The following TMCO5A variants were observed in gnomAD, a reference collection of about 807,000 sequenced individuals.
TMCO5A encodes transmembrane and coiled-coil domains 5A.
In TMCO5A, 34 loss-of-function variants were observed where a neutral mutation model predicts 42.3. That is an observed-to-expected ratio of 0.80 (90% CI 0.61 to 1.07). TMCO5A has a LOEUF of 1.07. TMCO5A is among the 50% of genes least tolerant of loss of function. The probability of loss-of-function intolerance (pLI) is 0.00; values close to 1 mark genes in which losing one functional copy is unlikely to be tolerated. For missense variants in TMCO5A, 357 were observed against 327.9 expected (o/e 1.09, Z -0.69); for synonymous variants, 131 against 115.6 (o/e 1.13, Z -0.86).
the TMCO5A span, among the ~76,000 whole-genome samples, chr15:38,029,602 G>A: frequency 6.6e-6 from 1 of 152,070 alleles, no homozygotes; most frequent in Non-Finnish European, 1.5e-5. Flanking sequence ...TGGGACCACA[G>A]GCATGCACTA....
At chr15:37,987,128 T>G in the TMCO5A span, among the ~76,000 whole-genome samples, 1 of 152,016 alleles carries the variant, frequency 6.6e-6, no homozygotes, top group Non-Finnish European at 1.5e-5. Flanking sequence ...TCTCACCATG[T>G]TTTTTATTTT....
the TMCO5A span, among the ~76,000 whole-genome samples, chr15:37,983,721 T>TC: frequency 7.2e-6 from 1 of 139,220 alleles, no homozygotes; most frequent in East Asian, 2.0e-4. Context: ...TTTTTACTGT[T>TC]TTTTTTTTTG....
the TMCO5A span, among the ~76,000 whole-genome samples, chr15:38,012,206 G>A: frequency 6.6e-6 from 1 of 152,132 alleles, no homozygotes. Flanking sequence ...TTGGCACAAG[G>A]AGAACAACTT....
At chr15:37,979,541 C>A in the TMCO5A span, among the ~76,000 whole-genome samples, 1 of 152,162 alleles carries the variant, frequency 6.6e-6, no homozygotes, top group South Asian at 2.1e-4. Context: ...GGGTTTAGAA[C>A]CTGCCTGAGC....
In TMCO5A at chr15:37,936,305, A is replaced by T. The variant is rs769522528; in HGVS notation, c.-10-9A>T. 15 of 1,597,554 alleles carry T rather than the reference A, an allele frequency of 9.4e-6. No homozygotes were observed. The South Asian group carries it at 1.4e-4, about 15-fold the overall frequency. On this transcript the variant is annotated splice_polypyrimidine_tract_variant and intron_variant, in intron 2 of 11. Transcript: ENST00000319669. ...TGGCCCTTGTTCATTTTGGGGGCTG[A>T]GTCTATAGGTCGGAGAAAATGGAAA...
At chr15:37,981,671 A>G in the TMCO5A span, among the ~76,000 whole-genome samples, 6 of 152,250 alleles carry the variant, frequency 3.9e-5, no homozygotes, top group African/African-American at 1.2e-4. Context: ...AGAAAACAAA[A>G]TACATTTCTG....
intron 11 of TMCO5A, among the ~76,000 whole-genome samples, chr15:37,957,468 A>G (rs1189218005): frequency 6.6e-6 from 1 of 152,094 alleles, no homozygotes; most frequent in African/African-American, 2.4e-5. Flanking sequence ...GAGCCAAATC[A>G]TGAGTGAACT....
intron 11 of TMCO5A, among the ~76,000 whole-genome samples, chr15:37,950,375 C>T (rs1327948764): frequency 1.3e-5 from 2 of 152,018 alleles, no homozygotes; most frequent in Admixed American, 6.6e-5. Flanking sequence ...CTATTAAAAT[C>T]GAGAATTTTT....
the TMCO5A span, among the ~76,000 whole-genome samples, chr15:38,005,587 T>C: frequency 6.6e-6 from 1 of 151,606 alleles, no homozygotes; most frequent in Non-Finnish European, 1.5e-5. Context: ...TAAAAATAAA[T>C]TAATTAATTA....
At chr15:38,038,470 ATCTCGGCTCACTGCAACC>A in the TMCO5A span, among the ~76,000 whole-genome samples, 1 of 148,482 alleles carries the variant, frequency 6.7e-6, no homozygotes, top group Non-Finnish European at 1.5e-5. Flanking sequence ...AGTGGCTGCG[ATCTCGGCTCACTGCAACC>A]TCTGCCTCCC....
At chr15:37,998,407 C>T in the TMCO5A span, among the ~76,000 whole-genome samples, 4 of 152,244 alleles carry the variant, frequency 2.6e-5, no homozygotes, top group African/African-American at 9.6e-5. Flanking sequence ...TAGTTTTATT[C>T]TTCTGAACAT....
the TMCO5A span, among the ~76,000 whole-genome samples, chr15:37,981,332 AG>A: frequency 1.3e-5 from 2 of 152,196 alleles, no homozygotes; most frequent in Non-Finnish European, 2.9e-5. Context: ...TTAAAAGATA[AG>A]AAAGGAAAAG....
At chr15:38,021,778 A>G in the TMCO5A span, among the ~76,000 whole-genome samples, 3 of 151,804 alleles carry the variant, frequency 2.0e-5, no homozygotes, top group Admixed American at 6.6e-5. Flanking sequence ...GTAGCAAAAA[A>G]CTATAACATC....
Position 37,951,340 on chromosome 15 carries a change from C to A in TMCO5A, c.*106C>A. ...AAGAGATTTGCTTCAGTTTTTTCCT[C>A]ACCGTTTGCCTGCTTGACTACCTTC... is the stretch of plus-strand genomic sequence containing the variant. On this transcript the variant is annotated 3_prime_UTR_variant, in exon 12 of 12. Transcript: ENST00000319669. 9.1e-7 allele frequency: 1 copy of A among 1,100,238 alleles called. No individual in the cohort carries two copies. Among genetic ancestry groups the A allele is most frequent in the South Asian group, 1.5e-5 (1 of 66,492 alleles). The allele number at this position is 1,100,238 out of a possible 1,614,324, so 68.2% of individuals were successfully genotyped here.
At chr15:37,982,737 AATAT>A in the TMCO5A span, among the ~76,000 whole-genome samples, 1 of 141,380 alleles carries the variant, frequency 7.1e-6, no homozygotes, top group East Asian at 2.0e-4. Context: ...ATAATATATA[AATAT>A]ATATAAATAT....
the TMCO5A span, among the ~76,000 whole-genome samples, chr15:38,026,392 T>A: frequency 6.6e-6 from 1 of 152,110 alleles, no homozygotes; most frequent in African/African-American, 2.4e-5. Flanking sequence ...GCCCTAGAGA[T>A]CTGTGGAACT....
chr15:38,033,076 A>C, the TMCO5A span, among the ~76,000 whole-genome samples: 3,784 of 151,756 alleles, frequency 0.025, 153 homozygotes, highest in African/African-American at 0.084. Flanking sequence ...TACAGGCGCC[A>C]GCCACCTCGC....
chr15:38,011,484 C>T, the TMCO5A span, among the ~76,000 whole-genome samples: 1 of 152,174 alleles, frequency 6.6e-6, no homozygotes, highest in African/African-American at 2.4e-5. Flanking sequence ...ACTTTTGCTG[C>T]AGTGTCTTTG....
At chr15:37,939,721 T>C (rs1337785444) in intron 6 of TMCO5A, among the ~76,000 whole-genome samples, 1 of 152,006 alleles carries the variant, frequency 6.6e-6, no homozygotes, top group African/African-American at 2.4e-5. Context: ...TCTGTGAATG[T>C]ACAGAATCTC....
Sources: allele counts gnomAD v4.1 joint callset (sites outside exome capture counted in the v4.1 genomes callset), GRCh38; gene constraint gnomAD v4.1.1; transcripts MANE v1.5; gene names NCBI Gene and HGNC (gene_info 2026-07-23, HGNC 2026-07-21).